Variants in SLIT2 observed in about 807,000 individuals in gnomAD.
The protein encoded by SLIT2 is slit guidance ligand 2.
SLIT2 carries 41 observed loss-of-function variants against 185.7 expected under a neutral mutation model. That is an observed-to-expected ratio of 0.22 (90% CI 0.17 to 0.29). The LOEUF is 0.29. Among genes scored for constraint, SLIT2 ranks in the 10% least tolerant of loss-of-function variants. The probability of loss-of-function intolerance (pLI) is 1.00; values close to 1 mark genes in which losing one functional copy is unlikely to be tolerated. For missense variants in SLIT2, 1,571 were observed against 1,909.0 expected (o/e 0.82, Z 3.30); for synonymous variants, 693 against 680.2 (o/e 1.02, Z -0.29).
chr4:20,401,784 T>C (rs1290417384), intron 4 of SLIT2, among the ~76,000 whole-genome samples: 1 of 151,892 alleles, frequency 6.6e-6, no homozygotes, highest in Non-Finnish European at 1.5e-5. Flanking sequence ...TGAATAACAC[T>C]GTCACAGGTT....
intron 4 of SLIT2, among the ~76,000 whole-genome samples, chr4:20,301,896 A>G (rs1462877166): frequency 1.3e-5 from 2 of 152,188 alleles, no homozygotes; most frequent in African/African-American, 2.4e-5. Context: ...ATCAGGCTCA[A>G]TCATTTTTTG....
At chr4:20,617,965 A>G (rs1199889041) in intron 36 of SLIT2, among the ~76,000 whole-genome samples, 2 of 152,222 alleles carry the variant, frequency 1.3e-5, no homozygotes, top group African/African-American at 4.8e-5. Flanking sequence ...CTGATGGAGA[A>G]GCACATTTAC....
intron 4 of SLIT2, among the ~76,000 whole-genome samples, chr4:20,320,695 C>G (rs941171301): frequency 1.3e-5 from 2 of 152,136 alleles, no homozygotes; most frequent in African/African-American, 4.8e-5. Context: ...CTCTCCCCTC[C>G]TCCTTCACTA....
At chr4:20,482,118 G>GT (rs1477176495) in intron 6 of SLIT2, among the ~76,000 whole-genome samples, 1 of 151,894 alleles carries the variant, frequency 6.6e-6, no homozygotes, top group African/African-American at 2.4e-5. Context: ...CACAGTAGTG[G>GT]TTTCATGGCA....
In SLIT2 at chr4:20,550,865, G is replaced by C. The variant is rs1263397870; in HGVS notation, c.2528G>C (p.Gly843Ala). 1.9e-6 allele frequency: 3 copies of C among 1,608,790 alleles called. No homozygotes were observed. The highest frequency in any genetic ancestry group is 2.6e-6 in the Non-Finnish European group (3 of 1,176,308). ...AATGACATTTCTGTTGTGCCTGAAG[G>C]TGCTTTCAATGATCTTTCTGCATTA... ...HGNDISVVPE[G>A]AFNDLSALSH... The change falls in exon 25 of 37, where the codon GGT becomes GCT. Residue 843 changes from glycine (G) to alanine (A), a missense_variant. Transcript: ENST00000504154.
chr4:20,502,799 G>A (rs180688522), intron 9 of SLIT2, among the ~76,000 whole-genome samples: 23 of 152,326 alleles, frequency 1.5e-4, no homozygotes, highest in African/African-American at 9.6e-5. Context: ...TAGCAAGGTA[G>A]TAGCATGATT....
At position 20,547,462 on chromosome 4, in the gene SLIT2, A is replaced by G. The variant is rs188318139; in HGVS notation, c.2346-1026A>G. Among the ~76,000 whole-genome samples, 65 of 152,158 alleles carry G rather than the reference A, an allele frequency of 4.3e-4. No individual in the cohort carries two copies. In the East Asian group the frequency reaches 8.3e-3, roughly 19 times the overall value. On this transcript the variant is annotated intron_variant, in intron 22 of 36. Transcript: ENST00000504154. ...TAATACAGATACTTTTATTTTTAAA[A>G]TTTAGGAATAGTTCTTCAGCAGTTA... is the stretch of plus-strand genomic sequence containing the variant.
chr4:20,523,647 G>C (rs772826635), intron 12 of SLIT2, 113 bp from the exon 13 acceptor site: 3 of 792,134 alleles, frequency 3.8e-6, no homozygotes, highest in Non-Finnish European at 6.2e-6. Flanking sequence ...AAATGTTAGT[G>C]TTGAGGTGAA....
intron 11 of SLIT2, among the ~76,000 whole-genome samples, chr4:20,512,518 A>T (rs543532400): frequency 6.6e-6 from 1 of 152,188 alleles, no homozygotes; most frequent in Non-Finnish European, 1.5e-5. Context: ...TAAAGGAACA[A>T]TTGTTGGCAG....
intron 4 of SLIT2, among the ~76,000 whole-genome samples, chr4:20,447,038 G>A (rs751713779): frequency 2.6e-5 from 4 of 152,178 alleles, no homozygotes; most frequent in African/African-American, 7.2e-5. Context: ...GGATAGAAAC[G>A]TCACAGAAGA....
At chr4:20,485,058 C>T (rs1242005131) in intron 6 of SLIT2, among the ~76,000 whole-genome samples, 1 of 152,272 alleles carries the variant, frequency 6.6e-6, no homozygotes, top group Non-Finnish European at 1.5e-5. Flanking sequence ...GCTCTTTCTC[C>T]TACCTCCTTC....
chr4:20,407,393 T>G (rs1267131281), intron 4 of SLIT2, among the ~76,000 whole-genome samples: 1 of 152,176 alleles, frequency 6.6e-6, no homozygotes, highest in Non-Finnish European at 1.5e-5. Context: ...GGAAAAATAA[T>G]TATTTTTCAG....
At chr4:20,269,856 T>C (rs1297957387) in intron 4 of SLIT2, among the ~76,000 whole-genome samples, 1 of 151,790 alleles carries the variant, frequency 6.6e-6, no homozygotes, top group Non-Finnish European at 1.5e-5. Flanking sequence ...TCTCACACCC[T>C]TCACCCCCAA....
intron 24 of SLIT2, among the ~76,000 whole-genome samples, chr4:20,549,786 A>G (rs73801868): frequency 0.013 from 1,901 of 151,906 alleles, 36 homozygotes; most frequent in African/African-American, 0.043. Flanking sequence ...ATATTTATAC[A>G]TATATATAAC....
rs907937862 is a variant in SLIT2 at position 20,254,154 on chromosome 4, C to T, written c.179+160C>T. ...TTGAGCTCTCCGGGAGGGCACTGGCCAGGGAAGGGCCTCTGTCCAAGGAGG... is the reference window on the plus strand; with the variant it reads ...TTGAGCTCTCCGGGAGGGCACTGGCTAGGGAAGGGCCTCTGTCCAAGGAGG... On this transcript the variant is annotated intron_variant, in intron 1 of 36. Transcript: ENST00000504154. The surrounding 1 kb of genome is among the most constrained non-coding windows in gnomAD (Gnocchi z 5.1). Among the ~76,000 whole-genome samples, 1 of 152,126 alleles carries T rather than the reference C, an allele frequency of 6.6e-6. No individual in the cohort carries two copies. Among genetic ancestry groups the T allele is most frequent in the Non-Finnish European group, 1.5e-5 (1 of 68,038 alleles).
At chr4:20,428,238 CAT>C (rs1196737473) in intron 4 of SLIT2, among the ~76,000 whole-genome samples, 1 of 152,176 alleles carries the variant, frequency 6.6e-6, no homozygotes, top group African/African-American at 2.4e-5. Flanking sequence ...AGCACACACA[CAT>C]GTACACAGAA....
chr4:20,542,812 C>CAG lies in SLIT2; in HGVS notation c.2276+186_2276+187insAG, dbSNP rs1722917891. ...CTACTTTAGAGGCCCTTGGGAATTG[C>CAG]TGTGTGTGTGTGTGTGTGTGTGTGT... On this transcript the variant is annotated intron_variant, in intron 21 of 36. Transcript: ENST00000504154. 4.5e-5 allele frequency among the ~76,000 whole-genome samples: 5 copies of CAG among 111,052 alleles called. No individual in the cohort carries two copies. The South Asian group carries it at 1.7e-3, about 39-fold the overall frequency. 72.9% of individuals were successfully genotyped at this position (111,052 alleles called of 152,430 possible). A position where few individuals can be genotyped will look rare whatever the true frequency, so the allele number is the denominator to read the frequency against.
At chr4:20,349,010 T>C (rs1721656946) in intron 4 of SLIT2, among the ~76,000 whole-genome samples, 1 of 152,134 alleles carries the variant, frequency 6.6e-6, no homozygotes, top group Non-Finnish European at 1.5e-5. Context: ...AGTAGTAGAG[T>C]CAACTCCATC....
intron 4 of SLIT2, among the ~76,000 whole-genome samples, chr4:20,306,480 A>G (rs951427390): frequency 6.6e-6 from 1 of 152,118 alleles, no homozygotes; most frequent in African/African-American, 2.4e-5. Context: ...CTTCTTTTGT[A>G]TAATTTGGCT....
Sources: gnomAD v4.1 joint callset for allele counts (sites outside exome capture counted in the v4.1 genomes callset) on GRCh38, gnomAD v4.1.1 for gene constraint, Gnocchi (gnomAD v3.1) non-coding constraint, MANE v1.5 for transcripts, NCBI Gene and HGNC (gene_info 2026-07-23, HGNC 2026-07-21) for gene names.